NCOA3: variants seen among roughly 807,000 people sequenced by gnomAD.
NCOA3 encodes nuclear receptor coactivator 3.
Under a neutral mutation model 158.8 loss-of-function variants are expected in NCOA3, and 51 were observed. The observed-to-expected ratio is 0.32, with a 90% CI of 0.26 to 0.41. The LOEUF (loss-of-function observed/expected upper bound fraction) is 0.41, where lower values mean the gene tolerates loss of function less well. NCOA3 is among the 10% of genes least tolerant of loss of function. The probability of loss-of-function intolerance (pLI) is 1.00; values close to 1 mark genes in which losing one functional copy is unlikely to be tolerated. For synonymous variants in NCOA3, 537 were observed against 592.4 expected (o/e 0.91, Z 1.36); for missense variants, 1,510 against 1,746.6 (o/e 0.86, Z 2.41).
intron 1 of NCOA3, among the ~76,000 whole-genome samples, chr20:47,550,921 G>C (rs1241030291): frequency 1.3e-5 from 2 of 152,002 alleles, no homozygotes; most frequent in African/African-American, 4.8e-5. Flanking sequence ...TCCTAATAAT[G>C]ATCATAGTAA....
At chr20:47,639,849 GA>G (rs1568748564) in intron 15 of NCOA3, 27 bp downstream of exon 15, 1 of 1,611,350 alleles carries the variant, frequency 6.2e-7, no homozygotes, top group Non-Finnish European at 8.5e-7. Flanking sequence ...CCCTCTTCAT[GA>G]AAAAAGAAAG....
In NCOA3 at chr20:47,501,925, G is replaced by C. The variant is rs1446970553; in HGVS notation, c.-193G>C. On this transcript the variant is annotated 5_prime_UTR_variant, in exon 1 of 23. Transcript: ENST00000371998. ...TCAGCCGCTCCACAGCGACGGCAGC[G>C]GCTGCGGCTTAGTCGGTGGCGGCCG... The C allele has an allele frequency of 7.5e-6, 3 of 400,246 alleles. No homozygotes were observed. In the East Asian group the frequency reaches 1.1e-4, roughly 14 times the overall value. The allele number at this position is 400,246 out of a possible 1,614,324, so 24.8% of individuals were successfully genotyped here.
At chr20:47,623,219 A>G (rs1402287292) in intron 3 of NCOA3, among the ~76,000 whole-genome samples, 1 of 152,216 alleles carries the variant, frequency 6.6e-6, no homozygotes, top group South Asian at 2.1e-4. Flanking sequence ...GTGCTAGTTG[A>G]AAAATATCAA....
intron 3 of NCOA3, 130 bp from the exon 4 acceptor site, chr20:47,623,781 C>A: frequency 1.2e-6 from 1 of 857,482 alleles, no homozygotes; most frequent in Non-Finnish European, 1.7e-6. Context: ...AGAGCGAAAA[C>A]TCTGTCTCGA....
chr20:47,570,300 G>A (rs1299552736), intron 1 of NCOA3, among the ~76,000 whole-genome samples: 1 of 151,948 alleles, frequency 6.6e-6, no homozygotes, highest in African/African-American at 2.4e-5. Context: ...AATTAGCCAG[G>A]TGTGGTGGCA....
At chr20:47,525,391 C>A (rs1299275659) in intron 1 of NCOA3, among the ~76,000 whole-genome samples, 1 of 150,556 alleles carries the variant, frequency 6.6e-6, no homozygotes, top group Non-Finnish European at 1.5e-5. Context: ...CCTTTCCCCC[C>A]TTTCTATTCC....
At chr20:47,561,558 A>G (rs1318006008) in intron 1 of NCOA3, among the ~76,000 whole-genome samples, 1 of 151,210 alleles carries the variant, frequency 6.6e-6, no homozygotes, top group African/African-American at 2.4e-5. Context: ...GCCTCAAGTG[A>G]TCCTCTTGCC....
chr20:47,580,300 C>T (rs376467088), intron 1 of NCOA3, among the ~76,000 whole-genome samples: 28 of 152,144 alleles, frequency 1.8e-4, no homozygotes, highest in African/African-American at 6.3e-4. Context: ...CACGGTGGCT[C>T]ATGCCTGTAA....
intron 2 of NCOA3, among the ~76,000 whole-genome samples, chr20:47,604,780 C>G (rs10485463): frequency 0.21 from 31,409 of 152,108 alleles, 3,755 homozygotes; most frequent in Middle Eastern, 0.31. Flanking sequence ...TATTTTAAAC[C>G]AATTTCAAGA....
chr20:47,633,416 C>A, intron 8 of NCOA3, 80 bp from the exon 9 acceptor site: 1 of 1,301,178 alleles, frequency 7.7e-7, no homozygotes, highest in Non-Finnish European at 1.1e-6. Flanking sequence ...TTTTATTCTC[C>A]AGTGCTAAGC....
At chr20:47,560,788 T>C (rs1470909507) in intron 1 of NCOA3, among the ~76,000 whole-genome samples, 2 of 152,130 alleles carry the variant, frequency 1.3e-5, no homozygotes, top group Non-Finnish European at 2.9e-5. Context: ...AAATTCTCGA[T>C]GTGTTAAACA....
chr20:47,604,156 C>T (rs1307034350), intron 2 of NCOA3, among the ~76,000 whole-genome samples: 2 of 152,106 alleles, frequency 1.3e-5, no homozygotes, highest in African/African-American at 4.8e-5. Flanking sequence ...CTTGAGGGAG[C>T]CATTTTTCGA....
intron 1 of NCOA3, among the ~76,000 whole-genome samples, chr20:47,559,302 A>G (rs761804492): frequency 6.6e-5 from 10 of 152,176 alleles, no homozygotes; most frequent in Non-Finnish European, 8.8e-5. Context: ...GATGGATTCA[A>G]TCCAGAAAAA....
chr20:47,615,781 A>T (rs2086121783), intron 2 of NCOA3, among the ~76,000 whole-genome samples: 1 of 152,238 alleles, frequency 6.6e-6, no homozygotes, highest in Admixed American at 6.5e-5. Flanking sequence ...TCATGGATAT[A>T]CTTTGGACTT....
intron 2 of NCOA3, among the ~76,000 whole-genome samples, chr20:47,604,982 C>T (rs2085920794): frequency 6.6e-6 from 1 of 152,192 alleles, no homozygotes; most frequent in African/African-American, 2.4e-5. Flanking sequence ...TTCTCCTGCC[C>T]TCAGCCTCCT....
intron 1 of NCOA3, among the ~76,000 whole-genome samples, chr20:47,531,304 C>T (rs936020774): frequency 9.2e-5 from 14 of 152,104 alleles, no homozygotes; most frequent in African/African-American, 3.4e-4. Flanking sequence ...GATTGTGCCA[C>T]TGTACTCCAG....
chr20:47,510,431 T>TGAAAAAAAAA (rs2084100996), intron 1 of NCOA3, among the ~76,000 whole-genome samples: 1 of 2,698 alleles, frequency 3.7e-4, no homozygotes, highest in Non-Finnish European at 2.9e-3. Flanking sequence ...AGACTCCATC[T>TGAAAAAAAAA]CAAAAAAAAA....
intron 1 of NCOA3, among the ~76,000 whole-genome samples, chr20:47,525,349 G>A (rs547917594): frequency 5.9e-4 from 89 of 149,852 alleles, no homozygotes; most frequent in Non-Finnish European, 1.0e-3. Context: ...ACACAGACAC[G>A]GCAACCATCC....
intron 1 of NCOA3, among the ~76,000 whole-genome samples, chr20:47,523,184 T>TCAAAA (rs1208554073): frequency 6.6e-6 from 1 of 152,148 alleles, no homozygotes; most frequent in Non-Finnish European, 1.5e-5. Context: ...AGCCTCCGTC[T>TCAAAA]CAAAACAAAA....
Sources: gnomAD v4.1 joint callset for allele counts (sites outside exome capture counted in the v4.1 genomes callset) on GRCh38, gnomAD v4.1.1 for gene constraint, MANE v1.5 for transcripts, NCBI Gene and HGNC (gene_info 2026-07-23, HGNC 2026-07-21) for gene names.